C1orf167: variants seen among roughly 807,000 people sequenced by gnomAD.
The protein encoded by C1orf167 is uncharacterized protein C1orf167.
In C1orf167, 153 loss-of-function variants were observed where a neutral mutation model predicts 176.5. The observed-to-expected ratio is 0.87, with a 90% confidence interval of 0.76 to 0.99. C1orf167 has a LOEUF of 0.99. Among genes scored for constraint, C1orf167 ranks in the 50% least tolerant of loss-of-function variants. The pLI is 0.00. For missense variants in C1orf167, 1,490 were observed against 1,817.7 expected (o/e 0.82, Z 3.28); for synonymous variants, 594 against 752.7 (o/e 0.79, Z 3.45).
Position 11,784,329 on chromosome 1 carries a change from G to A in C1orf167, c.3161G>A (p.Arg1054His), listed in dbSNP as rs377111743. ...GTGGCAGCCGGGGCACAGGAGCAGC[G>A]TGTGGCCCAGGCCTCCCTTGCCCGC... ...QEVAAGAQEQ[R>H]VAQASLARWR... Residue 1054 changes from arginine (R) to histidine (H), a missense_variant, in exon 15 of 21, where the codon CGT (arginine) becomes CAT (histidine). Transcript: ENST00000688073. 37 of 1,303,830 alleles carry A rather than the reference G, an allele frequency of 2.8e-5. No individual in the cohort carries two copies. The African/African-American group carries it at 4.7e-4, about 17-fold the overall frequency. The allele number at this position is 1,303,830 out of a possible 1,614,324, so 80.8% of individuals were successfully genotyped here. A position where few individuals can be genotyped will look rare whatever the true frequency, so the allele number is the denominator to read the frequency against.
In C1orf167 at chr1:11,780,029, G is replaced by A. The variant is rs542238962; in HGVS notation, c.2860+19G>A. The A allele has an allele frequency of 7.0e-5, 88 of 1,256,762 alleles. No homozygotes were observed. Among genetic ancestry groups the A allele is most frequent in the African/African-American group, 4.4e-4 (29 of 65,278 alleles). 77.9% of individuals were successfully genotyped at this position (1,256,762 alleles called of 1,614,324 possible). ...TGGCAGGGTGAGTGGAGACTTGGTC[G>A]GGGGCACTGCGGGTGAGGGCAGGGC... is the stretch of plus-strand genomic sequence containing the variant. On this transcript the variant is annotated intron_variant, in intron 13 of 20. Transcript: ENST00000688073.
intron 1 of C1orf167, among the ~76,000 whole-genome samples, chr1:11,763,520 A>G (rs1388760935): frequency 6.6e-6 from 1 of 152,104 alleles, no homozygotes; most frequent in Non-Finnish European, 1.5e-5. Context: ...TGGAAAGCAG[A>G]CAGTCTGTAA....
intron 10 of C1orf167, 38 bp downstream of exon 10, chr1:11,776,676 G>T: frequency 8.4e-7 from 1 of 1,187,814 alleles, no homozygotes; most frequent in African/African-American, 1.6e-5. Context: ...GGTTGGGCCT[G>T]GGGGCTGTGG....
In C1orf167 at chr1:11,776,473, C is replaced by A; in HGVS notation, c.2174C>A (p.Ala725Asp). 7.7e-7 allele frequency: 1 copy of A among 1,301,866 alleles called. No homozygotes were observed. Among genetic ancestry groups the A allele is most frequent in the Non-Finnish European group, 1.0e-6 (1 of 987,978 alleles). 80.6% of individuals were successfully genotyped at this position (1,301,866 alleles called of 1,614,324 possible). ...CTTGACGGTTTCTCAGGACGTGAGGCTGTCTACACCGCAGGCCCTGGAGCC... is the reference window on the plus strand; with the variant it reads ...CTTGACGGTTTCTCAGGACGTGAGGATGTCTACACCGCAGGCCCTGGAGCC... ...SLCRQKAGRE[A>D]VYTAGPGACG... is the part of the protein sequence containing the mutation. The change falls in exon 10 of 21, where the codon GCT (alanine) becomes GAT (aspartate). Residue 725 changes from alanine (A) to aspartate (D), a missense_variant. Transcript: ENST00000688073.
intron 15 of C1orf167, 139 bp from the exon 16 acceptor site, chr1:11,785,008 GA>G: frequency 1.3e-6 from 1 of 749,476 alleles, no homozygotes; most frequent in Non-Finnish European, 1.8e-6. Context: ...TCTCCCTCCA[GA>G]AAAGGGAGTG....
chr1:11,780,137 G>A, intron 13 of C1orf167, 127 bp downstream of exon 13: 4 of 631,648 alleles, frequency 6.3e-6, no homozygotes, highest in Non-Finnish European at 9.2e-6. Flanking sequence ...CAGAGGCTAA[G>A]CTACATCTGG....
intron 10 of C1orf167, 75 bp from the exon 11 acceptor site, chr1:11,778,585 G>C: frequency 8.4e-7 from 1 of 1,196,232 alleles, no homozygotes; most frequent in Non-Finnish European, 1.1e-6. Flanking sequence ...GGCCAGGGTA[G>C]GGTAGCCCCT....
At chr1:11,770,485 G>T (rs55728339) in intron 6 of C1orf167, among the ~76,000 whole-genome samples, 15,520 of 141,790 alleles carry the variant, frequency 0.11, 879 homozygotes, top group South Asian at 0.21. Flanking sequence ...TCGCTCTGTT[G>T]CCCAGGCTGG....
rs1280618170 is a variant in C1orf167, at chr1:11,784,237, C to T, written c.3069C>T (p.Ala1023=). The part of the protein sequence containing the change: ...DTGVLRAQHQ[A]FQDGLRRRAL... ...GGGTGCTCCGGGCCCAGCATCAAGC[C>T]TTTCAGGATGGCCTGAGGAGAAGAG... The change falls in exon 15 of 21, where the codon GCC becomes GCT. Residue 1023 remains alanine (A), a synonymous_variant. Coordinates refer to ENST00000688073, the MANE Select transcript of C1orf167 (RefSeq NM_001010881.2). 7.7e-7 allele frequency: 1 copy of T among 1,293,104 alleles called. No individual in the cohort carries two copies. Among genetic ancestry groups the T allele is most frequent in the South Asian group, 1.3e-5 (1 of 79,496 alleles). The allele number at this position is 1,293,104 out of a possible 1,614,324, so 80.1% of individuals were successfully genotyped here.
At chr1:11,779,318 T>C (rs1450772697) in intron 12 of C1orf167, 1 of 268,296 alleles carries the variant, frequency 3.7e-6, no homozygotes, top group Admixed American at 5.1e-5. Context: ...CATTTATTCA[T>C]TTATAGCACA....
chr1:11,763,801 G>A (rs530241830), intron 1 of C1orf167, among the ~76,000 whole-genome samples: 18 of 152,314 alleles, frequency 1.2e-4, no homozygotes, highest in East Asian at 3.9e-4. Flanking sequence ...GGGCCACTCC[G>A]CCCAGTGCTC....
At position 11,788,736 on chromosome 1, in the gene C1orf167, C is replaced by T; in HGVS notation, c.4163C>T (p.Ala1388Val). The change falls in exon 20 of 21, where the codon GCA becomes GTA. Residue 1388 changes from alanine to valine, a missense_variant. By Grantham distance (64) the Ala-to-Val change is moderately conservative. Coordinates refer to ENST00000688073, the MANE Select transcript of C1orf167 (RefSeq NM_001010881.2). ...ATASGSAVTA[A>V]GRWAFKKWHQ... is the part of the protein sequence containing the mutation. ...GCGAGTGGCTCAGCAGTTACAGCAGCAGGAAGATGGGTGGGTCCTTTCCCA... is the reference window on the plus strand; with the variant it reads ...GCGAGTGGCTCAGCAGTTACAGCAGTAGGAAGATGGGTGGGTCCTTTCCCA... 1 of 1,304,218 alleles carries T rather than the reference C, an allele frequency of 7.7e-7. No homozygotes were observed. The highest frequency in any genetic ancestry group is 1.0e-6 in the Non-Finnish European group (1 of 988,948). 80.8% of individuals were successfully genotyped at this position (1,304,218 alleles called of 1,614,324 possible).
chr1:11,789,278 G>A lies in C1orf167; in HGVS notation c.4182G>A (p.Lys1394=). ...AVTAAGRWAF[K]KWHQRLAARS... is the part of the protein sequence containing the mutation. ...CTCCTCCCTGGTTCCAGGCCTTTAAGAAGTGGCACCAACGCCTGGCAGCCA... is the reference window on the plus strand; with the variant it reads ...CTCCTCCCTGGTTCCAGGCCTTTAAAAAGTGGCACCAACGCCTGGCAGCCA... Residue 1394 remains lysine, a synonymous_variant, in exon 21 of 21, where the codon AAG becomes AAA. Coordinates refer to ENST00000688073, the MANE Select transcript of C1orf167 (RefSeq NM_001010881.2). 2 of 1,304,034 alleles carry A rather than the reference G, an allele frequency of 1.5e-6. No individual in the cohort carries two copies. The highest frequency in any genetic ancestry group is 2.5e-5 in the South Asian group (2 of 81,020). 80.8% of individuals were successfully genotyped at this position (1,304,034 alleles called of 1,614,324 possible).
intron 6 of C1orf167, 81 bp from the exon 7 acceptor site, chr1:11,771,443 C>A: frequency 1.2e-6 from 1 of 852,096 alleles, no homozygotes. Flanking sequence ...ACCGCACCTG[C>A]CTGGGGTGGG....
chr1:11,764,192 G>A (rs901536678), intron 1 of C1orf167, 139 bp from the exon 2 acceptor site: 16 of 359,826 alleles, frequency 4.4e-5, no homozygotes, highest in Non-Finnish European at 7.2e-5. Flanking sequence ...GCCACTGAGA[G>A]ACCAGAACAG....
At chr1:11,764,580 C>T in intron 2 of C1orf167, 110 bp downstream of exon 2, 2 of 928,438 alleles carry the variant, frequency 2.2e-6, no homozygotes, top group Admixed American at 2.5e-5. Context: ...CTGGCTAATT[C>T]CAGAGATCAG....
chr1:11,789,185 G>A, intron 20 of C1orf167, 85 bp from the exon 21 acceptor site: 2 of 1,215,670 alleles, frequency 1.6e-6, no homozygotes, highest in Non-Finnish European at 2.1e-6. Flanking sequence ...AAAAGGAGCT[G>A]GGTACAGGGG....
At position 11,767,335 on chromosome 1, in the gene C1orf167, G is replaced by T. The variant is rs571838464; in HGVS notation, c.1343+71G>T. On this transcript the variant is annotated intron_variant, in intron 4 of 20. Coordinates refer to ENST00000688073, the MANE Select transcript of C1orf167 (RefSeq NM_001010881.2). ...CGTGCTCAGGACTCCGCTCCCATTT[G>T]CCTGTCCAAATGGAGATGAGGGCCT... 1.0e-3 allele frequency: 1,261 copies of T among 1,219,022 alleles called. 6 individuals are homozygous for T. Among genetic ancestry groups the T allele is most frequent in the Middle Eastern group, 1.4e-3 (6 of 4,402 alleles). The allele number at this position is 1,219,022 out of a possible 1,614,324, so 75.5% of individuals were successfully genotyped here. A position where few individuals can be genotyped will look rare whatever the true frequency, so the allele number is the denominator to read the frequency against.
In C1orf167 at chr1:11,768,655, TA is replaced by T. The variant is rs2100265513; in HGVS notation, c.1543-317del. Among the ~76,000 whole-genome samples, 1 of 152,288 alleles carries T rather than the reference TA, an allele frequency of 6.6e-6. No homozygotes were observed. The highest frequency in any genetic ancestry group is 2.1e-4 in the South Asian group (1 of 4,828). ...TAGTAGATAAGTGGTTGCTATTTTT[TA>T]TTAGAGGTTTGCCAGCCAGGGCTGG... On this transcript the variant is annotated intron_variant, in intron 5 of 20. Coordinates refer to ENST00000688073, the MANE Select transcript of C1orf167 (RefSeq NM_001010881.2). This position sits in a 1 kb window ranked among gnomAD's most constrained non-coding sequence, Gnocchi z 4.5.
Sources: allele counts gnomAD v4.1 joint callset (sites outside exome capture counted in the v4.1 genomes callset), GRCh38; gene constraint gnomAD v4.1.1; non-coding constraint Gnocchi (gnomAD v3.1); transcripts MANE v1.5; gene names NCBI Gene and HGNC (gene_info 2026-07-23, HGNC 2026-07-21).